RBFOX1: variants seen among roughly 807,000 people sequenced by gnomAD.
RBFOX1 encodes RNA binding fox-1 homolog 1.
Under a neutral mutation model 57.7 loss-of-function variants are expected in RBFOX1, and 8 were observed. The observed-to-expected ratio is 0.14, with a 90% CI of 0.08 to 0.25. The LOEUF (loss-of-function observed/expected upper bound fraction) is 0.25, where lower values mean the gene tolerates loss of function less well. Ranked by LOEUF, RBFOX1 falls within the 10% of genes least tolerant of loss-of-function variation. RBFOX1 has a pLI of 1.00. For synonymous variants in RBFOX1, 326 were observed against 222.4 expected (o/e 1.47, Z -4.15); for missense variants, 611 against 548.5 (o/e 1.11, Z -1.14).
intron 2 of RBFOX1, among the ~76,000 whole-genome samples, chr16:5,506,974 C>T (rs1189578317): frequency 6.6e-6 from 1 of 152,078 alleles, no homozygotes; most frequent in African/African-American, 2.4e-5. Flanking sequence ...CAGAGACCAC[C>T]AGATCTCAAA....
intron 1 of RBFOX1, among the ~76,000 whole-genome samples, chr16:6,025,542 C>G (rs765916453): frequency 4.9e-4 from 74 of 152,332 alleles, no homozygotes; most frequent in Non-Finnish European, 9.1e-4. Flanking sequence ...CTCCCACCAC[C>G]ACATCCTTTT....
intron 4 of RBFOX1, among the ~76,000 whole-genome samples, chr16:7,508,769 C>T (rs920535311): frequency 5.9e-5 from 9 of 152,248 alleles, no homozygotes; most frequent in Admixed American, 4.6e-4. Flanking sequence ...TCCAGGCGGT[C>T]TCTTCCACCC....
intron 3 of RBFOX1, among the ~76,000 whole-genome samples, chr16:7,029,149 T>TAC (rs1568440673): frequency 1.2e-5 from 1 of 82,706 alleles, no homozygotes; most frequent in Non-Finnish European, 2.4e-5. Context: ...TGTGTATATA[T>TAC]GTATATATAT....
At chr16:5,483,637 G>A (rs1442141835) in intron 2 of RBFOX1, among the ~76,000 whole-genome samples, 1 of 152,198 alleles carries the variant, frequency 6.6e-6, no homozygotes, top group African/African-American at 2.4e-5. Flanking sequence ...CTTTTCTAAT[G>A]CTGTAGACGG....
intron 3 of RBFOX1, among the ~76,000 whole-genome samples, chr16:6,834,710 C>G (rs1000312715): frequency 1.3e-5 from 2 of 152,078 alleles, no homozygotes; most frequent in Non-Finnish European, 1.5e-5. Flanking sequence ...TAAGTGATAT[C>G]TGGAGTTAAG....
intron 5 of RBFOX1, among the ~76,000 whole-genome samples, chr16:7,545,359 C>G (rs945925704): frequency 2.0e-5 from 3 of 152,036 alleles, no homozygotes; most frequent in Admixed American, 6.6e-5. Context: ...CTCTTGGCCC[C>G]TTGCTCACAG....
intron 3 of RBFOX1, among the ~76,000 whole-genome samples, chr16:6,788,316 C>T (rs1276318899): frequency 6.6e-6 from 1 of 152,068 alleles, no homozygotes; most frequent in Non-Finnish European, 1.5e-5. Flanking sequence ...TCCCCAGCAT[C>T]TGCAGAGTAT....
intron 4 of RBFOX1, among the ~76,000 whole-genome samples, chr16:5,979,944 C>T (rs909166243): frequency 6.6e-6 from 1 of 152,152 alleles, no homozygotes; most frequent in Admixed American, 6.5e-5. Context: ...TAGGACGTGG[C>T]AGAGCTGGGA....
At chr16:7,476,545 G>C (rs147873554) in intron 4 of RBFOX1, among the ~76,000 whole-genome samples, 1 of 152,186 alleles carries the variant, frequency 6.6e-6, no homozygotes, top group African/African-American at 2.4e-5. Flanking sequence ...GAAAACTTGA[G>C]TTGGTTTTGT....
chr16:5,860,546 G>A (rs987801484), intron 3 of RBFOX1, among the ~76,000 whole-genome samples: 1 of 152,152 alleles, frequency 6.6e-6, no homozygotes, highest in African/African-American at 2.4e-5. Context: ...GAAGGGGAAT[G>A]CAGTGTTTCC....
At chr16:7,579,667 C>G in intron 5 of RBFOX1, 110 bp from the exon 6 acceptor site, 2 of 1,354,906 alleles carry the variant, frequency 1.5e-6, no homozygotes, top group Non-Finnish European at 1.0e-6. Context: ...CTTCCCTTCT[C>G]AGATTGCTTA....
At chr16:6,802,674 C>T (rs1156671322) in intron 3 of RBFOX1, among the ~76,000 whole-genome samples, 1 of 152,132 alleles carries the variant, frequency 6.6e-6, no homozygotes, top group African/African-American at 2.4e-5. Flanking sequence ...GACTCCGTCT[C>T]AATTAAAAAC....
At chr16:5,324,390 G>A (rs567074635) in intron 1 of RBFOX1, among the ~76,000 whole-genome samples, 23 of 152,284 alleles carry the variant, frequency 1.5e-4, no homozygotes, top group Non-Finnish European at 2.8e-4. Context: ...TTGAACCCAG[G>A]AGGCAGAGGT....
intron 3 of RBFOX1, among the ~76,000 whole-genome samples, chr16:5,670,349 C>T (rs927793447): frequency 1.3e-5 from 2 of 152,256 alleles, no homozygotes; most frequent in South Asian, 4.1e-4. Context: ...TAAATATTAA[C>T]CCATTTTCAA....
rs1319980415 is a variant in RBFOX1 at position 6,576,521 on chromosome 16, G to T, written c.-63-78082G>T. Among the ~76,000 whole-genome samples the T allele has an allele frequency of 2.0e-5, 3 of 151,796 alleles. No individual in the cohort carries two copies. In the East Asian group the frequency reaches 5.8e-4, roughly 29 times the overall value. ...TCTTCTAAGGGTCTTAAAAACTTGAGGACATTGAAATGCTATGGCTCACCC... is the reference window on the plus strand; with the variant it reads ...TCTTCTAAGGGTCTTAAAAACTTGATGACATTGAAATGCTATGGCTCACCC... On this transcript the variant is annotated intron_variant, in intron 2 of 15. Transcript: ENST00000550418.
At chr16:5,279,583 C>T (rs1262434789) in intron 1 of RBFOX1, among the ~76,000 whole-genome samples, 2 of 152,138 alleles carry the variant, frequency 1.3e-5, no homozygotes, top group African/African-American at 2.4e-5. Context: ...CTCACTGCAA[C>T]CTCCGCCTCT....
intron 3 of RBFOX1, among the ~76,000 whole-genome samples, chr16:5,779,013 C>T (rs1303651438): frequency 6.6e-6 from 1 of 152,180 alleles, no homozygotes; most frequent in Admixed American, 6.5e-5. Context: ...ATTGAGCCCT[C>T]ATTGATTTCT....
intron 2 of RBFOX1, among the ~76,000 whole-genome samples, chr16:6,486,389 A>G (rs1394281534): frequency 6.7e-6 from 1 of 149,876 alleles, no homozygotes; most frequent in African/African-American, 2.4e-5. Context: ...GGTGAAATGA[A>G]AAGTCATCTA....
chr16:6,956,621 C>A lies in RBFOX1; in HGVS notation c.-15-95436C>A, dbSNP rs554814545. On this transcript the variant is annotated intron_variant, in intron 3 of 15. Coordinates refer to ENST00000550418, the MANE Select transcript of RBFOX1 (RefSeq NM_018723.4). ...GAGTGAGTGGTTCAAATCCACAGCC[C>A]GTCTTCCCTTCTTGTGCCTGCTATT... Among the ~76,000 whole-genome samples, 7 of 152,262 alleles carry A rather than the reference C, an allele frequency of 4.6e-5. No individual in the cohort carries two copies. In the East Asian group the frequency reaches 9.6e-4, roughly 21 times the overall value.
Sources: allele counts gnomAD v4.1 joint callset (sites outside exome capture counted in the v4.1 genomes callset), GRCh38; gene constraint gnomAD v4.1.1; transcripts MANE v1.5; gene names NCBI Gene and HGNC (gene_info 2026-07-23, HGNC 2026-07-21).